ASTN2: variants seen among roughly 807,000 people sequenced by gnomAD.
The protein encoded by ASTN2 is astrotactin-2.
Under a neutral mutation model 139.8 loss-of-function variants are expected in ASTN2, and 54 were observed. That is an observed-to-expected ratio of 0.39 (90% CI 0.31 to 0.48). The LOEUF (loss-of-function observed/expected upper bound fraction) is 0.48, where lower values mean the gene tolerates loss of function less well. ASTN2 is among the 20% of genes least tolerant of loss of function. ASTN2 has a pLI of 0.95. For synonymous variants in ASTN2, 756 were observed against 719.5 expected (o/e 1.05, Z -0.81); for missense variants, 1,565 against 1,725.1 (o/e 0.91, Z 1.64).
At position 116,866,259 on chromosome 9, in the gene ASTN2, C is replaced by T. The variant is rs374407559; in HGVS notation, c.1890-2526G>A. 7.7e-4 allele frequency among the ~76,000 whole-genome samples: 118 copies of T among 152,308 alleles called. 2 individuals are homozygous for T. In the South Asian group the frequency reaches 0.023, roughly 29 times the overall value. On this transcript the variant is annotated intron_variant, in intron 10 of 22. Coordinates refer to ENST00000313400, the MANE Select transcript of ASTN2 (RefSeq NM_001365068.1). ...CACAGAAAACACCCAAAGGCTTAGA[C>T]GCAGTCTTCACCAATGAGTACTTTT...
chr9:117,371,432 T>C (rs1417807444), intron 1 of ASTN2, among the ~76,000 whole-genome samples: 2 of 152,210 alleles, frequency 1.3e-5, no homozygotes, highest in African/African-American at 2.4e-5. Context: ...CTCGTAGTGC[T>C]ATTCCTGTAA....
rs780922681 is a variant in ASTN2, at chr9:117,039,985, C to T, written c.1277-20G>A. On this transcript the variant is annotated intron_variant, in intron 5 of 22. Coordinates refer to ENST00000313400, the MANE Select transcript of ASTN2 (RefSeq NM_001365068.1). ...GCAAACCTGGTAACAAGAACATACA[C>T]AAAGACACAAAATTCCATGAGGTGA... 2.5e-6 allele frequency: 4 copies of T among 1,583,360 alleles called. No individual in the cohort carries two copies. Among genetic ancestry groups the T allele is most frequent in the Non-Finnish European group, 8.6e-7 (1 of 1,161,534 alleles).
chr9:116,655,520 C>G (rs1413708530), intron 16 of ASTN2, among the ~76,000 whole-genome samples: 1 of 152,168 alleles, frequency 6.6e-6, no homozygotes, highest in African/African-American at 2.4e-5. Flanking sequence ...CATATACCCT[C>G]TGCCTCTCTC....
intron 2 of ASTN2, among the ~76,000 whole-genome samples, chr9:117,216,787 TAGAG>T (rs899625139): frequency 5.3e-5 from 8 of 151,754 alleles, no homozygotes; most frequent in East Asian, 1.9e-4. Flanking sequence ...AGAGAGGTGA[TAGAG>T]AGGGAGAGTG....
At chr9:116,734,720 G>A (rs923387808) in intron 13 of ASTN2, among the ~76,000 whole-genome samples, 1 of 152,214 alleles carries the variant, frequency 6.6e-6, no homozygotes. Flanking sequence ...TTTGAAGCCT[G>A]TATCTCAGAC....
intron 19 of ASTN2, among the ~76,000 whole-genome samples, chr9:116,558,802 A>G (rs1852761333): frequency 6.6e-6 from 1 of 152,212 alleles, no homozygotes; most frequent in Non-Finnish European, 1.5e-5. Flanking sequence ...TCTGAGCCTC[A>G]GTTTCCTCAG....
chr9:117,253,026 T>C (rs942220734), intron 2 of ASTN2, among the ~76,000 whole-genome samples: 1 of 152,198 alleles, frequency 6.6e-6, no homozygotes, highest in African/African-American at 2.4e-5. Context: ...TAATGCATTA[T>C]GGAATTTTGA....
At chr9:116,883,542 G>A (rs534458188) in intron 10 of ASTN2, among the ~76,000 whole-genome samples, 1 of 152,220 alleles carries the variant, frequency 6.6e-6, no homozygotes, top group East Asian at 1.9e-4. Context: ...TTTGAGTTAA[G>A]GTGTCTTGTT....
intron 22 of ASTN2, among the ~76,000 whole-genome samples, chr9:116,427,776 G>C (rs146701451): frequency 1.3e-5 from 2 of 152,222 alleles, no homozygotes; most frequent in Non-Finnish European, 1.5e-5. Context: ...GAGGTGCCAA[G>C]AATTCATCAC....
At chr9:116,972,547 C>T (rs766501840) in intron 10 of ASTN2, among the ~76,000 whole-genome samples, 1 of 152,128 alleles carries the variant, frequency 6.6e-6, no homozygotes, top group African/African-American at 2.4e-5. Context: ...ATACCTCCAA[C>T]TTTAGTACAT....
intron 12 of ASTN2, among the ~76,000 whole-genome samples, chr9:116,815,002 G>C (rs143859690): frequency 6.6e-6 from 1 of 152,166 alleles, no homozygotes; most frequent in Non-Finnish European, 1.5e-5. Context: ...CTATGTTAAC[G>C]ATTAGAAGTA....
chr9:117,064,335 G>T (rs1827868765), intron 5 of ASTN2, among the ~76,000 whole-genome samples: 1 of 152,052 alleles, frequency 6.6e-6, no homozygotes, highest in African/African-American at 2.4e-5. Flanking sequence ...CACAGTCTTT[G>T]CCTCAGCTCC....
intron 2 of ASTN2, among the ~76,000 whole-genome samples, chr9:117,225,545 A>G (rs201902400): frequency 0.028 from 2,008 of 72,188 alleles, 337 homozygotes; most frequent in Admixed American, 0.13. Flanking sequence ...GTATATATAT[A>G]TATATATATA....
intron 19 of ASTN2, among the ~76,000 whole-genome samples, chr9:116,593,744 T>G (rs1854462247): frequency 6.6e-6 from 1 of 152,234 alleles, no homozygotes; most frequent in Non-Finnish European, 1.5e-5. Flanking sequence ...CCAGTCTTGC[T>G]CATTCTATAC....
At chr9:116,665,615 G>A (rs1588161664) in intron 16 of ASTN2, among the ~76,000 whole-genome samples, 1 of 152,254 alleles carries the variant, frequency 6.6e-6, no homozygotes, top group East Asian at 1.9e-4. Flanking sequence ...CTGAATCCAA[G>A]TCTGGAACAA....
At chr9:117,108,436 A>ACACACACACAC (rs760179816) in intron 4 of ASTN2, among the ~76,000 whole-genome samples, 2 of 30,696 alleles carry the variant, frequency 6.5e-5, no homozygotes, top group Non-Finnish European at 2.2e-4. Context: ...AAAACAAAAC[A>ACACACACACAC]AAACACACAC....
chr9:116,769,664 G>C (rs1011529049), intron 13 of ASTN2, among the ~76,000 whole-genome samples: 1 of 152,168 alleles, frequency 6.6e-6, no homozygotes, highest in Non-Finnish European at 1.5e-5. Context: ...AGAGATGCAA[G>C]AATATATGTG....
chr9:116,535,733 T>G (rs1238354114), intron 19 of ASTN2, among the ~76,000 whole-genome samples: 2 of 152,236 alleles, frequency 1.3e-5, no homozygotes, highest in Non-Finnish European at 2.9e-5. Flanking sequence ...CAGCTGTTAA[T>G]CTGATGGGCT....
At chr9:116,764,283 A>G (rs1428641063) in intron 13 of ASTN2, among the ~76,000 whole-genome samples, 1 of 152,148 alleles carries the variant, frequency 6.6e-6, no homozygotes, top group Non-Finnish European at 1.5e-5. Context: ...CCTGCTCGGT[A>G]TGACCCACAA....
Sources: gnomAD v4.1 joint callset for allele counts (sites outside exome capture counted in the v4.1 genomes callset) on GRCh38, gnomAD v4.1.1 for gene constraint, MANE v1.5 for transcripts, NCBI Gene and HGNC (gene_info 2026-07-23, HGNC 2026-07-21) for gene names.